The following PRKG1 variants were observed in gnomAD, a reference collection of about 807,000 sequenced individuals.
PRKG1 encodes the protein cGMP-dependent protein kinase 1.
PRKG1 carries 35 observed loss-of-function variants against 88.1 expected under a neutral mutation model. The ratio of observed to expected loss-of-function variants is 0.40; its 90% CI spans 0.30 to 0.53. The LOEUF (loss-of-function observed/expected upper bound fraction) is 0.53. Among genes scored for constraint, PRKG1 ranks in the 20% least tolerant of loss-of-function variants. The pLI, the probability that PRKG1 is intolerant of heterozygous loss-of-function variation, is 0.59. For missense variants in PRKG1, 540 were observed against 839.8 expected (o/e 0.64, Z 4.41); for synonymous variants, 303 against 292.5 (o/e 1.04, Z -0.37).
chr10:52,202,022 T>C (rs1457944523), intron 9 of PRKG1, among the ~76,000 whole-genome samples: 1 of 152,148 alleles, frequency 6.6e-6, no homozygotes, highest in Non-Finnish European at 1.5e-5. Flanking sequence ...TGACTTCCTC[T>C]CTTCCTATTT....
intron 1 of PRKG1, among the ~76,000 whole-genome samples, chr10:51,025,515 C>T (rs529724672): frequency 6.6e-6 from 1 of 152,238 alleles, no homozygotes; most frequent in Non-Finnish European, 1.5e-5. Context: ...CCTTAAGGAC[C>T]TCTCTTCATG....
chr10:51,841,906 C>G (rs1840286234), intron 4 of PRKG1, among the ~76,000 whole-genome samples: 1 of 152,194 alleles, frequency 6.6e-6, no homozygotes, highest in South Asian at 2.1e-4. Flanking sequence ...TGATCTCTAA[C>G]TCCTGACCTC....
chr10:51,933,887 C>T (rs1265248721), intron 5 of PRKG1, among the ~76,000 whole-genome samples: 4 of 152,094 alleles, frequency 2.6e-5, no homozygotes, highest in African/African-American at 9.7e-5. Flanking sequence ...AGCACTTCAG[C>T]AGTGACATAA....
intron 3 of PRKG1, among the ~76,000 whole-genome samples, chr10:51,803,251 A>G (rs867122670): frequency 2.0e-5 from 3 of 152,142 alleles, no homozygotes; most frequent in African/African-American, 7.2e-5. Flanking sequence ...GTAAAAAAAC[A>G]TTTAGAATGG....
At chr10:51,342,847 T>A (rs937329339) in intron 2 of PRKG1, among the ~76,000 whole-genome samples, 1 of 152,222 alleles carries the variant, frequency 6.6e-6, no homozygotes. Context: ...GTGTTCATTC[T>A]ATGAATATTC....
intron 2 of PRKG1, among the ~76,000 whole-genome samples, chr10:51,317,070 G>T (rs1002435651): frequency 7.9e-5 from 12 of 152,152 alleles, no homozygotes; most frequent in Admixed American, 7.2e-4. Flanking sequence ...TAATTTAATG[G>T]GTATGAAAGG....
At chr10:52,231,185 C>T (rs1321384843) in intron 9 of PRKG1, 1 of 152,116 alleles carries the variant, frequency 6.6e-6, no homozygotes, top group Non-Finnish European at 1.5e-5. Context: ...ATCACTTGAG[C>T]CCAGGAATTT....
At chr10:52,133,379 G>C (rs558458470) in intron 7 of PRKG1, among the ~76,000 whole-genome samples, 8 of 152,152 alleles carry the variant, frequency 5.3e-5, no homozygotes, top group East Asian at 1.9e-4. Flanking sequence ...CATAAAAACA[G>C]GGTCTTTAAA....
At chr10:51,973,157 G>T (rs1350011427) in intron 5 of PRKG1, among the ~76,000 whole-genome samples, 2 of 152,154 alleles carry the variant, frequency 1.3e-5, no homozygotes, top group Admixed American at 6.6e-5. Flanking sequence ...TGGAATGTGT[G>T]ACCAATGCTT....
At chr10:51,758,814 T>C (rs1444599465) in intron 3 of PRKG1, among the ~76,000 whole-genome samples, 1 of 152,072 alleles carries the variant, frequency 6.6e-6, no homozygotes, top group Non-Finnish European at 1.5e-5. Flanking sequence ...TCCACATGCA[T>C]TAGGTATTTT....
chr10:51,943,277 T>A lies in PRKG1; in HGVS notation c.762+35707T>A, dbSNP rs202025611. ...TTTGTCTGTTATTGGTGTATAAGAA[T>A]GCTTGTGATTTTTGTACATTGATTT... On this transcript the variant is annotated intron_variant, in intron 5 of 17. Transcript: ENST00000373980. 3.6e-4 allele frequency among the ~76,000 whole-genome samples: 54 copies of A among 152,028 alleles called. No individual in the cohort carries two copies. In the East Asian group the frequency reaches 9.7e-3, roughly 27 times the overall value.
chr10:52,041,087 C>A (rs1037680077), intron 5 of PRKG1, among the ~76,000 whole-genome samples: 1 of 151,998 alleles, frequency 6.6e-6, no homozygotes, highest in East Asian at 1.9e-4. Flanking sequence ...CATCTGCCCA[C>A]CTCGGCCTCC....
chr10:52,215,871 A>G (rs1447137122), intron 9 of PRKG1, among the ~76,000 whole-genome samples: 1 of 152,204 alleles, frequency 6.6e-6, no homozygotes, highest in Non-Finnish European at 1.5e-5. Flanking sequence ...TTAAGCATAG[A>G]TTATGTTTCA....
chr10:52,271,934 C>A (rs1209210001), intron 11 of PRKG1, among the ~76,000 whole-genome samples: 2 of 152,042 alleles, frequency 1.3e-5, no homozygotes, highest in Non-Finnish European at 2.9e-5. Flanking sequence ...GTGGAAGCAG[C>A]TTTTTGTAGT....
chr10:52,090,153 C>A (rs772045667), intron 7 of PRKG1, among the ~76,000 whole-genome samples: 1 of 151,940 alleles, frequency 6.6e-6, no homozygotes, highest in Non-Finnish European at 1.5e-5. Context: ...ATAAAGAAAC[C>A]AGAACTCCTT....
chr10:51,577,498 C>T (rs971218394), intron 3 of PRKG1, among the ~76,000 whole-genome samples: 2 of 152,046 alleles, frequency 1.3e-5, no homozygotes, highest in South Asian at 2.1e-4. Flanking sequence ...GTATTCCTAT[C>T]GAAATGCTGA....
chr10:52,087,160 A>G (rs1432132389), intron 7 of PRKG1, among the ~76,000 whole-genome samples: 2 of 152,198 alleles, frequency 1.3e-5, no homozygotes, highest in Admixed American at 6.5e-5. Flanking sequence ...TTCTCCAGCA[A>G]CGTATGAGGG....
At chr10:51,450,985 A>C (rs894562112) in intron 2 of PRKG1, among the ~76,000 whole-genome samples, 4 of 151,912 alleles carry the variant, frequency 2.6e-5, no homozygotes, top group African/African-American at 7.2e-5. Context: ...AGGGGTTATT[A>C]ATCTTTTTTG....
intron 5 of PRKG1, among the ~76,000 whole-genome samples, chr10:52,011,984 G>A (rs1053540080): frequency 5.9e-5 from 9 of 151,970 alleles, no homozygotes; most frequent in South Asian, 2.1e-4. Flanking sequence ...CCTTCCTCCC[G>A]GCCATGTGGA....
Sources: gnomAD v4.1 joint callset for allele counts (sites outside exome capture counted in the v4.1 genomes callset) on GRCh38, gnomAD v4.1.1 for gene constraint, MANE v1.5 for transcripts, NCBI Gene and HGNC (gene_info 2026-07-23, HGNC 2026-07-21) for gene names.